The following SNTG1 variants were observed in gnomAD, a reference collection of about 807,000 sequenced individuals.
SNTG1 encodes the protein gamma-1-syntrophin.
A neutral mutation model predicts 74.7 loss-of-function variants in SNTG1; 39 were observed. That is an observed-to-expected ratio of 0.52 (90% CI 0.40 to 0.68). The LOEUF (loss-of-function observed/expected upper bound fraction) is 0.68, where lower values mean the gene tolerates loss of function less well. SNTG1 is among the 30% of genes least tolerant of loss of function. The pLI, the probability that SNTG1 is intolerant of heterozygous loss-of-function variation, is 0.00. For synonymous variants in SNTG1, 254 were observed against 217.1 expected, an observed-to-expected ratio of 1.17 and a Z score of -1.49; for missense variants, 685 against 609.5, an observed-to-expected ratio of 1.12 and a Z score of -1.30.
intron 15 of SNTG1, among the ~76,000 whole-genome samples, chr8:50,699,349 T>C (rs578047848): frequency 2.6e-5 from 4 of 152,194 alleles, no homozygotes; most frequent in African/African-American, 9.6e-5. Flanking sequence ...GGAAGGCAGT[T>C]TTTTCATGAC....
intron 1 of SNTG1, among the ~76,000 whole-genome samples, chr8:50,029,363 T>C (rs1412307356): frequency 6.6e-6 from 1 of 152,096 alleles, no homozygotes; most frequent in East Asian, 1.9e-4. Flanking sequence ...AATTCCATCC[T>C]CTTTGTTATT....
chr8:50,782,874 G>A (rs1391699992), intron 18 of SNTG1, among the ~76,000 whole-genome samples: 1 of 152,066 alleles, frequency 6.6e-6, no homozygotes, highest in African/African-American at 2.4e-5. Context: ...ATGTAAGATG[G>A]GTTTTTGGGG....
intron 2 of SNTG1, among the ~76,000 whole-genome samples, chr8:50,337,806 T>A: frequency 1.3e-5 from 2 of 152,254 alleles, no homozygotes; most frequent in Admixed American, 1.3e-4. Context: ...TAGTGAAATA[T>A]AGTTGAAAAA....
At chr8:50,522,577 CTTTTT>C (rs34011488) in intron 9 of SNTG1, among the ~76,000 whole-genome samples, 2 of 127,102 alleles carry the variant, frequency 1.6e-5, no homozygotes, top group Non-Finnish European at 1.6e-5. Flanking sequence ...GACTTCCTTC[CTTTTT>C]TTTTTTTTTT....
At chr8:50,011,804 T>A (rs1235874584) in intron 1 of SNTG1, 2 of 152,204 alleles carry the variant, frequency 1.3e-5, no homozygotes, top group Admixed American at 1.3e-4. Context: ...GTGGGAGTTG[T>A]TCTGTGCTGA....
chr8:50,523,983 A>G (rs1180576471), intron 9 of SNTG1, among the ~76,000 whole-genome samples: 1 of 152,156 alleles, frequency 6.6e-6, no homozygotes, highest in Non-Finnish European at 1.5e-5. Context: ...ATAATTGCTG[A>G]TAGGGAAACA....
intron 1 of SNTG1, among the ~76,000 whole-genome samples, chr8:50,033,296 G>A (rs1817888875): frequency 1.3e-5 from 2 of 151,830 alleles, no homozygotes; most frequent in South Asian, 4.2e-4. Flanking sequence ...GCTAAATTTT[G>A]TACTTTTACT....
At chr8:49,976,853 G>T (rs961917872) in intron 1 of SNTG1, among the ~76,000 whole-genome samples, 6 of 152,246 alleles carry the variant, frequency 3.9e-5, no homozygotes, top group Middle Eastern at 3.4e-3. Context: ...AGACTAAATG[G>T]CATGCTTTCT....
intron 2 of SNTG1, among the ~76,000 whole-genome samples, chr8:50,245,067 A>G (rs916005821): frequency 2.0e-5 from 3 of 152,226 alleles, no homozygotes; most frequent in African/African-American, 7.2e-5. Flanking sequence ...AGCAATTACA[A>G]CTCTCAAAGT....
intron 2 of SNTG1, among the ~76,000 whole-genome samples, chr8:50,288,158 G>T (rs1313572868): frequency 1.3e-5 from 2 of 152,136 alleles, no homozygotes; most frequent in Non-Finnish European, 2.9e-5. Flanking sequence ...GGCATTGATT[G>T]AGGAAGCAAT....
At chr8:50,609,243 A>C (rs1482703748) in intron 13 of SNTG1, among the ~76,000 whole-genome samples, 2 of 151,972 alleles carry the variant, frequency 1.3e-5, no homozygotes, top group African/African-American at 4.8e-5. Context: ...TGTAGCTGTG[A>C]ATTCTCTCAC....
At chr8:50,059,573 T>C (rs1334728689) in intron 1 of SNTG1, among the ~76,000 whole-genome samples, 1 of 152,128 alleles carries the variant, frequency 6.6e-6, no homozygotes, top group Non-Finnish European at 1.5e-5. Flanking sequence ...TTGTAAACAA[T>C]TCATATAAAT....
intron 13 of SNTG1, among the ~76,000 whole-genome samples, chr8:50,624,657 T>C (rs2094945213): frequency 6.6e-6 from 1 of 152,122 alleles, no homozygotes; most frequent in Non-Finnish European, 1.5e-5. Context: ...CTTGAAAAAG[T>C]CATACACGTT....
At chr8:50,753,698 G>A (rs2095573265) in intron 18 of SNTG1, among the ~76,000 whole-genome samples, 2 of 151,776 alleles carry the variant, frequency 1.3e-5, no homozygotes, top group African/African-American at 4.8e-5. Flanking sequence ...GTGTTTTTAA[G>A]CTTTCTCTCA....
chr8:50,752,685 C>G (rs892844758), intron 18 of SNTG1, among the ~76,000 whole-genome samples: 1 of 151,848 alleles, frequency 6.6e-6, no homozygotes, highest in Non-Finnish European at 1.5e-5. Flanking sequence ...TATGAATTAA[C>G]ATTACCATAT....
At chr8:50,565,342 A>G (rs1483311129) in intron 12 of SNTG1, among the ~76,000 whole-genome samples, 1 of 152,020 alleles carries the variant, frequency 6.6e-6, no homozygotes, top group East Asian at 1.9e-4. Context: ...ATATTAGTGT[A>G]TTCATATCAT....
chr8:50,470,721 G>A (rs1026544055), intron 8 of SNTG1, among the ~76,000 whole-genome samples: 1 of 152,200 alleles, frequency 6.6e-6, no homozygotes, highest in East Asian at 1.9e-4. Context: ...GTAGACCTTC[G>A]CTGTGAGTGT....
intron 4 of SNTG1, among the ~76,000 whole-genome samples, chr8:50,420,351 G>A (rs547344885): frequency 6.6e-6 from 1 of 152,176 alleles, no homozygotes; most frequent in Non-Finnish European, 1.5e-5. Context: ...AACAATGAAG[G>A]CCAGAAGGAA....
At chr8:50,381,835 A>ATATATATTATATATATATATT (rs1554509532) in intron 2 of SNTG1, 1 of 131,076 alleles carries the variant, frequency 7.6e-6, no homozygotes, top group Non-Finnish European at 1.6e-5. Context: ...ATATATATAT[A>ATATATATTATATATATATATT]TTATATATAT....
Sources: gnomAD v4.1 joint callset for allele counts (sites outside exome capture counted in the v4.1 genomes callset) on GRCh38, gnomAD v4.1.1 for gene constraint, MANE v1.5 for transcripts, NCBI Gene and HGNC (gene_info 2026-07-23, HGNC 2026-07-21) for gene names.